SART1: variants seen among roughly 807,000 people sequenced by gnomAD.
SART1 encodes U4/U6.U5 tri-snRNP-associated protein 1.
A neutral mutation model predicts 105.0 loss-of-function variants in SART1; 28 were observed. That is an observed-to-expected ratio of 0.27 (90% confidence interval 0.20 to 0.37). SART1 has a LOEUF of 0.37. SART1 is among the 10% of genes least tolerant of loss of function. The probability of loss-of-function intolerance (pLI) is 1.00; values close to 1 mark genes in which losing one functional copy is unlikely to be tolerated. For synonymous variants in SART1, 472 were observed against 462.9 expected (o/e 1.02, Z -0.25); for missense variants, 894 against 1,106.5 (o/e 0.81, Z 2.72).
In SART1 at chr11:65,965,417, G is replaced by A. The variant is rs191909806; in HGVS notation, c.630G>A (p.Leu210=). The change falls in exon 5 of 20, where the codon CTG becomes CTA. Residue 210 remains leucine (L), a synonymous_variant. Coordinates refer to ENST00000312397, the MANE Select transcript of SART1 (RefSeq NM_005146.5). ...CCTGGATCGAGAGGAGCCGGCAGCT[G>A]CAGAAGGAGAAGGACCTGGCAGAGA... ...TAAWIERSRQ[L]QKEKDLAEKR... is the part of the protein sequence containing the mutation. 1.9e-6 allele frequency: 3 copies of A among 1,565,024 alleles called. No homozygotes were observed. The highest frequency in any genetic ancestry group is 2.7e-5 in the African/African-American group (2 of 73,612).
intron 9 of SART1, 50 bp from the exon 10 acceptor site, chr11:65,967,209 A>T (rs1397262395): frequency 6.3e-7 from 1 of 1,599,888 alleles, no homozygotes; most frequent in Non-Finnish European, 8.5e-7. Flanking sequence ...GCTTGTGGCG[A>T]CCTGCCTTTC....
chr11:65,978,414 C>T lies in SART1; in HGVS notation c.2173-186C>T, dbSNP rs1490162098. The T allele has an allele frequency of 6.5e-6, 4 of 617,164 alleles. No individual in the cohort carries two copies. The highest frequency in any genetic ancestry group is 1.1e-5 in the Non-Finnish European group (4 of 348,142). The allele number at this position is 617,164 out of a possible 1,614,324, so 38.2% of individuals were successfully genotyped here. ...GCGCATCCACTAGCCAAGCTGGTCT[C>T]CCGGCCTCTGCTGGGGCCCTGCAGG... is the stretch of plus-strand genomic sequence containing the variant. On this transcript the variant is annotated intron_variant, in intron 17 of 19. Transcript: ENST00000312397. The surrounding 1 kb of genome is among the most constrained non-coding windows in gnomAD (Gnocchi z 6.8).
At chr11:65,965,262 G>A (rs1290464594) in intron 4 of SART1, 44 bp downstream of exon 4, 3 of 1,608,456 alleles carry the variant, frequency 1.9e-6, no homozygotes, top group Non-Finnish European at 1.7e-6. Flanking sequence ...GGCTGGGGAG[G>A]CCACCATCCT....
chr11:65,973,017 CA>C (rs1302062464), intron 12 of SART1, among the ~76,000 whole-genome samples: 1 of 151,806 alleles, frequency 6.6e-6, no homozygotes, highest in African/African-American at 2.4e-5. Context: ...AAAAAAAATA[CA>C]AAAAAATTAA....
Position 65,961,825 on chromosome 11 carries a change from G to C in SART1, c.45G>C (p.Gly15=). The change falls in exon 1 of 20, where the codon GGG becomes GGC. Residue 15 remains glycine (G), a synonymous_variant. Coordinates refer to ENST00000312397, the MANE Select transcript of SART1 (RefSeq NM_005146.5). The part of the protein sequence containing the change: ...KKHRGEKEAA[G]TTAAAGTGGA... ...ATCGCGGAGAGAAGGAGGCGGCCGGGACGACGGCGGCGGCCGGCACCGGGG... is the reference window on the plus strand; with the variant it reads ...ATCGCGGAGAGAAGGAGGCGGCCGGCACGACGGCGGCGGCCGGCACCGGGG... 1 of 1,567,038 alleles carries C rather than the reference G, an allele frequency of 6.4e-7. No homozygotes were observed. Among genetic ancestry groups the C allele is most frequent in the Non-Finnish European group, 8.6e-7 (1 of 1,162,422 alleles).
Position 65,978,714 on chromosome 11 carries a change from G to T in SART1, c.2262+25G>T. The T allele has an allele frequency of 6.2e-7, 1 of 1,613,440 alleles. No homozygotes were observed. Among genetic ancestry groups the T allele is most frequent in the Non-Finnish European group, 8.5e-7 (1 of 1,179,638 alleles). On this transcript the variant is annotated intron_variant, in intron 18 of 19. Transcript: ENST00000312397. The surrounding 1 kb of genome is among the most constrained non-coding windows in gnomAD (Gnocchi z 6.8). ...GGTGGGTGCCCTTGGGGATGTGGGG[G>T]GCCCTGTGCCTGCCGGGGCAGGGGT...
In SART1 at chr11:65,978,913, G is replaced by A. The variant is rs1855536197; in HGVS notation, c.2383G>A (p.Ala795Thr). ...VLSGSGKSMN[A>T]NTITK ...CAGCGGCAGCGGCAAGAGCATGAACGCGTGAGTGGCTCGAGGCTGGTGGGG... is the reference window on the plus strand; with the variant it reads ...CAGCGGCAGCGGCAAGAGCATGAACACGTGAGTGGCTCGAGGCTGGTGGGG... Residue 795 changes from alanine to threonine, a missense_variant and splice_region_variant, in exon 19 of 20, where the codon GCG becomes ACG. Transcript: ENST00000312397. This position sits in a 1 kb window ranked among gnomAD's most constrained non-coding sequence, Gnocchi z 6.8. 4 of 1,613,972 alleles carry A rather than the reference G, an allele frequency of 2.5e-6. No homozygotes were observed. Among genetic ancestry groups the A allele is most frequent in the South Asian group, 2.2e-5 (2 of 91,076 alleles).
At chr11:65,967,121 A>G in intron 9 of SART1, 138 bp from the exon 10 acceptor site, 5 of 1,257,336 alleles carry the variant, frequency 4.0e-6, no homozygotes, top group Non-Finnish European at 5.5e-6. Flanking sequence ...TAACCACCCC[A>G]CATGTTGCTC....
At chr11:65,974,071 C>T (rs1034826326) in intron 12 of SART1, among the ~76,000 whole-genome samples, 26 of 151,760 alleles carry the variant, frequency 1.7e-4, no homozygotes, top group African/African-American at 5.1e-4. Flanking sequence ...GTTTTAAAAA[C>T]TATATCAGCC....
chr11:65,966,667 G>A lies in SART1; in HGVS notation c.1188+111G>A, dbSNP rs540078488. Reference sequence around the variant, plus strand: ...GGGCGAGTATTTGTGTTCACAAAGCGCTTGGCCTCGCGGGTGAGCACTAAA... The same window carrying A: ...GGGCGAGTATTTGTGTTCACAAAGCACTTGGCCTCGCGGGTGAGCACTAAA... On this transcript the variant is annotated intron_variant, in intron 9 of 19. Transcript: ENST00000312397. The A allele has an allele frequency of 6.3e-5, 80 of 1,270,062 alleles. 1 individual carries two copies. Among genetic ancestry groups the A allele is most frequent in the African/African-American group, 1.8e-4 (12 of 66,476 alleles). The allele number at this position is 1,270,062 out of a possible 1,614,324, so 78.7% of individuals were successfully genotyped here. A position where few individuals can be genotyped will look rare whatever the true frequency, so the allele number is the denominator to read the frequency against.
intron 9 of SART1, 66 bp downstream of exon 9, chr11:65,966,622 C>T: frequency 7.1e-7 from 1 of 1,410,776 alleles, no homozygotes; most frequent in Admixed American, 2.9e-5. Flanking sequence ...CCTGCCCTGC[C>T]CGCAGGCACT....
At chr11:65,974,987 C>G (rs1400092110) in intron 12 of SART1, among the ~76,000 whole-genome samples, 4 of 152,082 alleles carry the variant, frequency 2.6e-5, no homozygotes, top group Non-Finnish European at 4.4e-5. Flanking sequence ...TTGCAGTGAG[C>G]TGAGATCGCG....
At position 65,964,072 on chromosome 11, in the gene SART1, A is replaced by T; in HGVS notation, c.314-2A>T. 1 of 1,611,566 alleles carries T rather than the reference A, an allele frequency of 6.2e-7. No individual in the cohort carries two copies. Among genetic ancestry groups the T allele is most frequent in the Non-Finnish European group, 8.5e-7 (1 of 1,179,964 alleles). The stretch of plus-strand genomic sequence containing the variant: ...CCTGAGCCATGCTTCTTCTTGTTCC[A>T]GCTGCCAGCTCCAAAACTAGCTCAG... On this transcript the variant is annotated splice_acceptor_variant, in intron 1 of 19. Coordinates refer to ENST00000312397, the MANE Select transcript of SART1 (RefSeq NM_005146.5). LOFTEE classifies it high-confidence loss of function.
In SART1 at chr11:65,967,816, G is replaced by C. The variant is rs373540194; in HGVS notation, c.1567G>C (p.Glu523Gln). ...GCTACAGCAGCTGCGAGACAGTGGCGAGAAGGTGAGGCTGGGCATGGGCAG... is the reference window on the plus strand; with the variant it reads ...GCTACAGCAGCTGCGAGACAGTGGCCAGAAGGTGAGGCTGGGCATGGGCAG... ...QQLQQLRDSGEKVVEIVKKLE... is the reference protein window; with the variant it reads ...QQLQQLRDSGQKVVEIVKKLE... The change falls in exon 12 of 20, where the codon GAG becomes CAG. Residue 523 changes from glutamate (E) to glutamine (Q), a missense_variant. Around this residue, in one of 2 missense-constraint regions of SART1, gnomAD observed 712 missense variants for 778.2 expected, o/e 0.91. Transcript: ENST00000312397. 6.5e-7 allele frequency: 1 copy of C among 1,533,414 alleles called. No homozygotes were observed. Among genetic ancestry groups the C allele is most frequent in the Admixed American group, 2.1e-5 (1 of 48,594 alleles). The allele number at this position is 1,533,414 out of a possible 1,614,324, so 95.0% of individuals were successfully genotyped here. A position where few individuals can be genotyped will look rare whatever the true frequency, so the allele number is the denominator to read the frequency against.
chr11:65,976,386 C>T lies in SART1; in HGVS notation c.1573-9C>T. On this transcript the variant is annotated splice_polypyrimidine_tract_variant and intron_variant, in intron 12 of 19. Coordinates refer to ENST00000312397, the MANE Select transcript of SART1 (RefSeq NM_005146.5). This position sits in a 1 kb window ranked among gnomAD's most constrained non-coding sequence, Gnocchi z 5.1. ...TGCTGGGTTTGCCCACAGCCGCTCCCTCCCCCAGGTGGTGGAGATTGTGAA... is the reference window on the plus strand; with the variant it reads ...TGCTGGGTTTGCCCACAGCCGCTCCTTCCCCCAGGTGGTGGAGATTGTGAA... The T allele has an allele frequency of 6.5e-7, 1 of 1,526,966 alleles. No individual in the cohort carries two copies. Among genetic ancestry groups the T allele is most frequent in the Non-Finnish European group, 8.8e-7 (1 of 1,141,410 alleles). 94.6% of individuals were successfully genotyped at this position (1,526,966 alleles called of 1,614,324 possible).
chr11:65,978,832 A>G lies in SART1; in HGVS notation c.2302A>G (p.Thr768Ala). The G allele has an allele frequency of 6.2e-7, 1 of 1,613,978 alleles. No individual in the cohort carries two copies. The highest frequency in any genetic ancestry group is 1.3e-5 in the African/African-American group (1 of 74,996). ...GAGCTCCAGCGACACGCCCCTGGGCACCGTGGCCCTGCTCCAGGAGAAGCA... is the reference window on the plus strand; with the variant it reads ...GAGCTCCAGCGACACGCCCCTGGGCGCCGTGGCCCTGCTCCAGGAGAAGCA... ...KMSSSDTPLGTVALLQEKQKA... is the reference protein window; with the variant it reads ...KMSSSDTPLGAVALLQEKQKA... The change falls in exon 19 of 20, where the codon ACC (threonine) becomes GCC (alanine). Residue 768 changes from threonine to alanine, a missense_variant. Around this residue, in one of 2 missense-constraint regions of SART1, gnomAD observed 182 missense variants for 328.3 expected, o/e 0.55. Transcript: ENST00000312397. This position sits in a 1 kb window ranked among gnomAD's most constrained non-coding sequence, Gnocchi z 6.8.
intron 10 of SART1, 21 bp from the exon 11 acceptor site, chr11:65,967,450 A>G (rs1855282323): frequency 1.2e-6 from 2 of 1,613,718 alleles, no homozygotes; most frequent in Non-Finnish European, 1.7e-6. Context: ...GGTGCTCACC[A>G]GAGAGGCCTC....
intron 12 of SART1, among the ~76,000 whole-genome samples, chr11:65,973,034 C>A (rs1053602703): frequency 6.6e-6 from 1 of 151,972 alleles, no homozygotes; most frequent in African/African-American, 2.4e-5. Context: ...ATTAACCAGA[C>A]GTGGTGGCGG....
intron 1 of SART1, 103 bp downstream of exon 1, chr11:65,962,196 A>G (rs1855159534): frequency 2.3e-6 from 2 of 871,618 alleles, no homozygotes; most frequent in South Asian, 2.0e-5. Context: ...AGGCCAGGAA[A>G]CCCCCAAGCT....
Sources: gnomAD v4.1 joint callset for allele counts (sites outside exome capture counted in the v4.1 genomes callset) on GRCh38, gnomAD v4.1.1 for gene constraint, gnomAD v4.1.1 regional missense constraint, Gnocchi (gnomAD v3.1) non-coding constraint, MANE v1.5 for transcripts, NCBI Gene and HGNC (gene_info 2026-07-23, HGNC 2026-07-21) for gene names.